ZFYVE28: variants seen among roughly 807,000 people sequenced by gnomAD.
ZFYVE28 encodes lateral signaling target protein 2 homolog.
Under a neutral mutation model 82.1 loss-of-function variants are expected in ZFYVE28, and 40 were observed. That is an observed-to-expected ratio of 0.49 (90% confidence interval 0.38 to 0.63). The LOEUF (loss-of-function observed/expected upper bound fraction) is 0.63, where lower values mean the gene tolerates loss of function less well. ZFYVE28 is among the 30% of genes least tolerant of loss of function. ZFYVE28 has a pLI of 0.00. For missense variants in ZFYVE28, 1,321 were observed against 1,242.1 expected, an observed-to-expected ratio of 1.06 and a Z score of -0.96; for synonymous variants, 612 against 546.1, an observed-to-expected ratio of 1.12 and a Z score of -1.68.
chr4:2,304,485 C>CTT lies in ZFYVE28; in HGVS notation c.1853_1854dup (p.Asp619LysfsTer132), dbSNP rs1716191926. 1 of 1,613,172 alleles carries CTT rather than the reference C, an allele frequency of 6.2e-7. No homozygotes were observed. Among genetic ancestry groups the CTT allele is most frequent in the Non-Finnish European group, 8.5e-7 (1 of 1,179,772 alleles). ...TTGGGCTCCCGCCCGTTGGAGGCAT[C>CTT]TTCTGAGGGTGGGGGCGCCTCCTCC... On this transcript the variant is annotated frameshift_variant, in exon 8 of 13. Coordinates refer to ENST00000290974, the MANE Select transcript of ZFYVE28 (RefSeq NM_020972.3). LOFTEE classifies it high-confidence loss of function.
intron 8 of ZFYVE28, among the ~76,000 whole-genome samples, chr4:2,284,031 C>T (rs1712360443): frequency 6.6e-6 from 1 of 152,234 alleles, no homozygotes; most frequent in African/African-American, 2.4e-5. Flanking sequence ...ACGCAATTCC[C>T]TGTAGGCTAC....
chr4:2,314,325 G>A (rs1560190197), intron 7 of ZFYVE28, among the ~76,000 whole-genome samples: 2 of 152,208 alleles, frequency 1.3e-5, no homozygotes, highest in Non-Finnish European at 2.9e-5. Flanking sequence ...TACAGCTGTT[G>A]TTGCTGCTGT....
In ZFYVE28 at chr4:2,365,714, A is replaced by AG. The variant is rs1472473555; in HGVS notation, c.40-11642dup. On this transcript the variant is annotated intron_variant, in intron 1 of 12. Coordinates refer to ENST00000290974, the MANE Select transcript of ZFYVE28 (RefSeq NM_020972.3). ...GTGCCTGGAGCTGGGCTACACGGGG[A>AG]GGACGTCTCCCAGGCCCTCCAGCTC... is the stretch of plus-strand genomic sequence containing the variant. 9.2e-5 allele frequency among the ~76,000 whole-genome samples: 14 copies of AG among 152,230 alleles called. No homozygotes were observed. The East Asian group carries it at 2.7e-3, about 29-fold the overall frequency.
At chr4:2,273,504 C>T (rs552786436) in intron 9 of ZFYVE28, among the ~76,000 whole-genome samples, 5 of 152,286 alleles carry the variant, frequency 3.3e-5, no homozygotes, top group Admixed American at 6.5e-5. Context: ...GGAAGGGAGA[C>T]GACCAGACAG....
chr4:2,384,622 A>G (rs57576271), intron 1 of ZFYVE28, among the ~76,000 whole-genome samples: 5,261 of 151,714 alleles, frequency 0.035, 310 homozygotes, highest in African/African-American at 0.12. Context: ...CAGAGGGCCG[A>G]CCCCTCAGGG....
chr4:2,310,381 A>G (rs3117815), intron 7 of ZFYVE28, among the ~76,000 whole-genome samples: 121,391 of 151,868 alleles, frequency 0.8, 49,319 homozygotes, highest in African/African-American at 0.93. Context: ...TATATGGTTG[A>G]TTTTCATTTG....
At chr4:2,279,257 C>A (rs906798029) in intron 8 of ZFYVE28, among the ~76,000 whole-genome samples, 4 of 152,112 alleles carry the variant, frequency 2.6e-5, no homozygotes, top group Non-Finnish European at 5.9e-5. Flanking sequence ...CTTGGTGAAA[C>A]CCCGTCTCTA....
chr4:2,311,794 A>G (rs1194424169), intron 7 of ZFYVE28, among the ~76,000 whole-genome samples: 1 of 152,030 alleles, frequency 6.6e-6, no homozygotes, highest in Non-Finnish European at 1.5e-5. Flanking sequence ...TTGTTTTTTT[A>G]GAAATGAGGT....
Position 2,339,805 on chromosome 4 carries a change from T to C in ZFYVE28, c.319-150A>G. The stretch of plus-strand genomic sequence containing the variant: ...CGTGTTCCCGGTCCCCGCAGGAGGT[T>C]TTTCTTACATTCAGAGCAATCGTGA... On this transcript the variant is annotated intron_variant, in intron 3 of 12. Coordinates refer to ENST00000290974, the MANE Select transcript of ZFYVE28 (RefSeq NM_020972.3). This position sits in a 1 kb window ranked among gnomAD's most constrained non-coding sequence, Gnocchi z 5.0. The C allele has an allele frequency of 2.9e-6, 2 of 695,694 alleles. No homozygotes were observed. Among genetic ancestry groups the C allele is most frequent in the East Asian group, 5.5e-5 (2 of 36,684 alleles). 43.1% of individuals were successfully genotyped at this position (695,694 alleles called of 1,614,324 possible).
At chr4:2,274,304 G>A (rs1362372068) in intron 8 of ZFYVE28, 88 bp from the exon 9 acceptor site, 47 of 1,490,230 alleles carry the variant, frequency 3.2e-5, no homozygotes, top group Admixed American at 2.3e-5. Context: ...ACAAAAGTCT[G>A]TGTCCTCGCA....
intron 1 of ZFYVE28, among the ~76,000 whole-genome samples, chr4:2,379,799 T>C (rs768563802): frequency 6.6e-6 from 1 of 152,218 alleles, no homozygotes; most frequent in African/African-American, 2.4e-5. Context: ...TTCACACTTT[T>C]TTTTTTGAGA....
In ZFYVE28 at chr4:2,407,380, G is replaced by A. The variant is rs189112882; in HGVS notation, c.39+10905C>T. Among the ~76,000 whole-genome samples, 36 of 152,038 alleles carry A rather than the reference G, an allele frequency of 2.4e-4. No homozygotes were observed. The East Asian group carries it at 6.2e-3, about 26-fold the overall frequency. On this transcript the variant is annotated intron_variant, in intron 1 of 12. Coordinates refer to ENST00000290974, the MANE Select transcript of ZFYVE28 (RefSeq NM_020972.3). ...CCTCCAGTATTCAGCCAGTCCAGCAGAGGCCCCTGTGAGGTTGCAGCCTGT... is the reference window on the plus strand; with the variant it reads ...CCTCCAGTATTCAGCCAGTCCAGCAAAGGCCCCTGTGAGGTTGCAGCCTGT...
In ZFYVE28 at chr4:2,353,945, G is replaced by T; in HGVS notation, c.168C>A (p.Phe56Leu). The T allele has an allele frequency of 6.5e-7, 1 of 1,547,224 alleles. No homozygotes were observed. The highest frequency in any genetic ancestry group is 8.7e-7 in the Non-Finnish European group (1 of 1,145,406). ...PQRCTLLVSQ[F>L]RSCQDNVLNI... ...CCCCGTGGCTCACCTGACAGGAGCG[G>T]AACTGGCTGACCAGCAGCGTGCACC... Residue 56 changes from phenylalanine to leucine, a missense_variant, in exon 2 of 13, where the codon TTC becomes TTA. Physicochemically the swap from Phe to Leu is conservative, Grantham distance 22 (BLOSUM62 0). Around this residue, in one of 2 missense-constraint regions of ZFYVE28, gnomAD observed 343 missense variants for 408.4 expected, o/e 0.84. Transcript: ENST00000290974.
In ZFYVE28 at chr4:2,321,725, G is replaced by T. The variant is rs180965537; in HGVS notation, c.702-1454C>A. ...CTGACTCCAGTGGCCAAGCCTCAGG[G>T]AAGCCATCCACAACCACAGTAGAGC... On this transcript the variant is annotated intron_variant, in intron 6 of 12. Transcript: ENST00000290974. 2.9e-3 allele frequency among the ~76,000 whole-genome samples: 442 copies of T among 152,246 alleles called. 1 individual carries two copies. The highest frequency in any genetic ancestry group is 5.5e-3 in the Non-Finnish European group (376 of 68,002).
At chr4:2,302,435 A>C (rs1715700006) in intron 8 of ZFYVE28, among the ~76,000 whole-genome samples, 1 of 152,242 alleles carries the variant, frequency 6.6e-6, no homozygotes, top group African/African-American at 2.4e-5. Flanking sequence ...ACATCAGCTG[A>C]CTGCTGACGA....
chr4:2,339,706 CAG>C lies in ZFYVE28; in HGVS notation c.319-53_319-52del. 6.6e-7 allele frequency: 1 copy of C among 1,516,628 alleles called. No individual in the cohort carries two copies. The highest frequency in any genetic ancestry group is 8.8e-7 in the Non-Finnish European group (1 of 1,130,758). The allele number at this position is 1,516,628 out of a possible 1,614,324, so 93.9% of individuals were successfully genotyped here. On this transcript the variant is annotated intron_variant, in intron 3 of 12. Coordinates refer to ENST00000290974, the MANE Select transcript of ZFYVE28 (RefSeq NM_020972.3). This position sits in a 1 kb window ranked among gnomAD's most constrained non-coding sequence, Gnocchi z 5.0. ...GGGGCCCGGGTGAGGGCCAGGCTCTCAGGGGTCGCCGACCCGGGGAACCTGAC... is the reference window on the plus strand; with the variant it reads ...GGGGCCCGGGTGAGGGCCAGGCTCTCGGGTCGCCGACCCGGGGAACCTGAC...
rs531817700 is a variant in ZFYVE28 at position 2,274,796 on chromosome 4, A to G, written c.2052-580T>C. ...AGGACACAGACACAGAGGGCAGGAG[A>G]GCCCATGTGACCACGGAGGCTGAGA... On this transcript the variant is annotated intron_variant, in intron 8 of 12. Transcript: ENST00000290974. Among the ~76,000 whole-genome samples the G allele has an allele frequency of 9.3e-5, 14 of 150,872 alleles. No homozygotes were observed. The East Asian group carries it at 1.4e-3, about 15-fold the overall frequency.
intron 1 of ZFYVE28, among the ~76,000 whole-genome samples, chr4:2,365,671 T>C (rs1455447808): frequency 6.6e-6 from 1 of 152,096 alleles, no homozygotes; most frequent in Middle Eastern, 3.2e-3. Context: ...CGGCCAGCAC[T>C]GGCTGGGCCT....
intron 7 of ZFYVE28, among the ~76,000 whole-genome samples, chr4:2,315,346 C>T (rs993775579): frequency 2.0e-5 from 3 of 152,182 alleles, no homozygotes; most frequent in African/African-American, 2.4e-5. Flanking sequence ...AAAGCGGTGG[C>T]GTGATCTCTG....
Sources: gnomAD v4.1 joint callset for allele counts (sites outside exome capture counted in the v4.1 genomes callset) on GRCh38, gnomAD v4.1.1 for gene constraint, gnomAD v4.1.1 regional missense constraint, Gnocchi (gnomAD v3.1) non-coding constraint, MANE v1.5 for transcripts, NCBI Gene and HGNC (gene_info 2026-07-23, HGNC 2026-07-21) for gene names.